Variants in SPOP observed in about 807,000 individuals in gnomAD.
The protein encoded by SPOP is speckle-type POZ protein.
Under a neutral mutation model 45.6 loss-of-function variants are expected in SPOP, and 11 were observed. That is an observed-to-expected ratio of 0.24 (90% CI 0.15 to 0.40). SPOP has a LOEUF of 0.40. Among genes scored for constraint, SPOP ranks in the 10% least tolerant of loss-of-function variants. The pLI is 1.00. For missense variants in SPOP, 152 were observed against 465.6 expected, an observed-to-expected ratio of 0.33 and a Z score of 6.20; for synonymous variants, 166 against 166.3, an observed-to-expected ratio of 1.00 and a Z score of 0.01.
intron 1 of SPOP, among the ~76,000 whole-genome samples, chr17:49,644,348 C>G (rs1398052001): frequency 6.6e-6 from 1 of 152,128 alleles, no homozygotes; most frequent in Admixed American, 6.5e-5. Context: ...TTCCTCATCC[C>G]TCTCCCTCCC....
At chr17:49,657,694 G>A (rs930669301) in intron 1 of SPOP, among the ~76,000 whole-genome samples, 14 of 134,764 alleles carry the variant, frequency 1.0e-4, no homozygotes, top group Non-Finnish European at 1.7e-4. Flanking sequence ...ACCGCACCCG[G>A]CCTTTTTTTT....
chr17:49,657,696 CTTTTTTT>C (rs34194099), intron 1 of SPOP, among the ~76,000 whole-genome samples: 65 of 100,968 alleles, frequency 6.4e-4, no homozygotes, highest in South Asian at 3.0e-3. Flanking sequence ...CGCACCCGGC[CTTTTTTT>C]TTTTTTTTTT....
intron 1 of SPOP, among the ~76,000 whole-genome samples, chr17:49,645,746 A>C (rs1446837164): frequency 1.3e-5 from 2 of 152,170 alleles, no homozygotes; most frequent in Non-Finnish European, 2.9e-5. Flanking sequence ...CTGAAACTCA[A>C]AGACAGATTA....
At chr17:49,622,914 T>C (rs2072248347) in intron 1 of SPOP, 38 bp from the exon 2 acceptor site, 2 of 925,324 alleles carry the variant, frequency 2.2e-6, no homozygotes, top group South Asian at 2.8e-5. Flanking sequence ...TTTATTAGAT[T>C]ATTAAGATAC....
intron 2 of SPOP, 43 bp from the exon 3 acceptor site, chr17:49,622,110 A>G (rs182554855): frequency 1.2e-6 from 2 of 1,602,608 alleles, no homozygotes; most frequent in African/African-American, 2.7e-5. Flanking sequence ...GGAAGTGGAC[A>G]ACCTGAAAAA....
Position 49,622,666 on chromosome 17 carries a change from T to A in SPOP, c.78+67A>T, listed in dbSNP as rs1004134399. The A allele has an allele frequency of 7.5e-5, 103 of 1,382,368 alleles. No homozygotes were observed. The African/African-American group carries it at 1.2e-3, about 16-fold the overall frequency. The allele number at this position is 1,382,368 out of a possible 1,614,324, so 85.6% of individuals were successfully genotyped here. On this transcript the variant is annotated intron_variant, in intron 2 of 9. Transcript: ENST00000504102. ...CAAGAAGCCCAATGTAGAAAAGCAA[T>A]CCTACTCCTTTCGTCCACCAAATCC...
intron 2 of SPOP, 126 bp downstream of exon 2, chr17:49,622,607 T>G (rs2072242169): frequency 1.3e-6 from 1 of 780,848 alleles, no homozygotes. Flanking sequence ...GTATCTTATC[T>G]ATCTGCTCTT....
At chr17:49,618,212 C>T (rs2072131807) in intron 5 of SPOP, among the ~76,000 whole-genome samples, 1 of 152,174 alleles carries the variant, frequency 6.6e-6, no homozygotes, top group Non-Finnish European at 1.5e-5. Context: ...AACACTAATG[C>T]CCCAGTTGAC....
At chr17:49,655,111 AT>A (rs2072890156) in intron 1 of SPOP, among the ~76,000 whole-genome samples, 1 of 152,232 alleles carries the variant, frequency 6.6e-6, no homozygotes, top group South Asian at 2.1e-4. Context: ...ACATGGTTAT[AT>A]ACTTTAAAAA....
chr17:49,619,501 A>G lies in SPOP; in HGVS notation c.201-116T>C, dbSNP rs1223071573. ...ACAAATGCAGGCCCCATAGAAGAAT[A>G]TAATTCAGTAGAATGACTAGTTGGG... On this transcript the variant is annotated intron_variant, in intron 3 of 9. Coordinates refer to ENST00000504102, the MANE Select transcript of SPOP (RefSeq NM_001007228.2). This position sits in a 1 kb window ranked among gnomAD's most constrained non-coding sequence, Gnocchi z 4.9. The G allele has an allele frequency of 3.5e-6, 4 of 1,158,080 alleles. No individual in the cohort carries two copies. The highest frequency in any genetic ancestry group is 5.7e-5 in the Admixed American group (2 of 35,056). The allele number at this position is 1,158,080 out of a possible 1,614,324, so 71.7% of individuals were successfully genotyped here. A position where few individuals can be genotyped will look rare whatever the true frequency, so the allele number is the denominator to read the frequency against.
chr17:49,615,464 T>C (rs2072065410), intron 5 of SPOP, among the ~76,000 whole-genome samples: 1 of 152,188 alleles, frequency 6.6e-6, no homozygotes, highest in South Asian at 2.1e-4. Flanking sequence ...AAATTTAAAA[T>C]GGAATTTAAA....
intron 1 of SPOP, among the ~76,000 whole-genome samples, chr17:49,659,075 C>A (rs551469309): frequency 6.6e-6 from 1 of 152,158 alleles, no homozygotes; most frequent in Admixed American, 6.5e-5. Context: ...AGCTTGAACA[C>A]GGTCATCAAA....
At chr17:49,656,712 A>C (rs2072917529) in intron 1 of SPOP, among the ~76,000 whole-genome samples, 1 of 152,226 alleles carries the variant, frequency 6.6e-6, no homozygotes, top group Non-Finnish European at 1.5e-5. Context: ...TTGGCAGTTA[A>C]CAAATGTTAC....
At position 49,599,301 on chromosome 17, in the gene SPOP, T is replaced by G. The variant is rs1282193301; in HGVS notation, c.*1077A>C. ...CCACACAGTACAAAATAGTAATTAT[T>G]TATATTTTCAAAAAAAAAAAAATTA... On this transcript the variant is annotated 3_prime_UTR_variant, in exon 10 of 10. Coordinates refer to ENST00000504102, the MANE Select transcript of SPOP (RefSeq NM_001007228.2). 4.5e-6 allele frequency: 1 copy of G among 220,942 alleles called. No homozygotes were observed. Among genetic ancestry groups the G allele is most frequent in the African/African-American group, 2.3e-5 (1 of 44,418 alleles). The allele number at this position is 220,942 out of a possible 1,614,324, so 13.7% of individuals were successfully genotyped here. A position where few individuals can be genotyped will look rare whatever the true frequency, so the allele number is the denominator to read the frequency against.
intron 1 of SPOP, among the ~76,000 whole-genome samples, chr17:49,671,842 T>G (rs1424439463): frequency 2.0e-5 from 3 of 151,994 alleles, no homozygotes; most frequent in Non-Finnish European, 2.9e-5. Flanking sequence ...CCCATTTCTA[T>G]TCAAAACACA....
chr17:49,622,511 G>A (rs1161395488), intron 2 of SPOP: 3 of 574,258 alleles, frequency 5.2e-6, no homozygotes, highest in Non-Finnish European at 9.3e-6. Context: ...TAGTTTCAAA[G>A]ATTCCCCCTT....
chr17:49,673,902 T>C (rs950483109), intron 1 of SPOP, among the ~76,000 whole-genome samples: 4 of 151,910 alleles, frequency 2.6e-5, no homozygotes, highest in Non-Finnish European at 5.9e-5. Context: ...ATCCCAGCAC[T>C]TTGGGAGGCC....
intron 1 of SPOP, among the ~76,000 whole-genome samples, chr17:49,644,782 G>A (rs190645789): frequency 1.3e-5 from 2 of 152,104 alleles, no homozygotes; most frequent in East Asian, 3.9e-4. Flanking sequence ...ATAATTTATT[G>A]TCTAAAAATT....
chr17:49,627,779 T>A lies in SPOP; in HGVS notation c.-66-4903A>T, dbSNP rs1357770954. 2.0e-5 allele frequency among the ~76,000 whole-genome samples: 3 copies of A among 152,296 alleles called. No individual in the cohort carries two copies. The East Asian group carries it at 5.8e-4, about 29-fold the overall frequency. The stretch of plus-strand genomic sequence containing the variant: ...ATCTTGACCATTTTTTCCCACCTTT[T>A]TTTGCTTCTGACTTATTTTGTAGCT... On this transcript the variant is annotated intron_variant, in intron 1 of 9. Coordinates refer to ENST00000504102, the MANE Select transcript of SPOP (RefSeq NM_001007228.2).
Sources: allele counts gnomAD v4.1 joint callset (sites outside exome capture counted in the v4.1 genomes callset), GRCh38; gene constraint gnomAD v4.1.1; non-coding constraint Gnocchi (gnomAD v3.1); transcripts MANE v1.5; gene names NCBI Gene and HGNC (gene_info 2026-07-23, HGNC 2026-07-21).